Variants in UBP1 observed in about 807,000 individuals in gnomAD.
The protein encoded by UBP1 is upstream binding protein 1.
Under a neutral mutation model 76.1 loss-of-function variants are expected in UBP1, and 22 were observed. The ratio of observed to expected loss-of-function variants is 0.29; its 90% CI spans 0.21 to 0.41. The LOEUF is 0.41. UBP1 is among the 10% of genes least tolerant of loss of function. UBP1 has a pLI of 1.00. For missense variants in UBP1, 436 were observed against 668.1 expected, an observed-to-expected ratio of 0.65 and a Z score of 3.83; for synonymous variants, 224 against 237.1, an observed-to-expected ratio of 0.94 and a Z score of 0.51.
chr3:33,421,636 A>G (rs1339656722), intron 2 of UBP1, among the ~76,000 whole-genome samples: 3 of 152,250 alleles, frequency 2.0e-5, no homozygotes, highest in African/African-American at 7.2e-5. Flanking sequence ...AAATGACACT[A>G]AGACATCAAT....
chr3:33,400,806 C>T (rs544609416), intron 10 of UBP1, among the ~76,000 whole-genome samples, 156 bp downstream of exon 10: 1 of 152,310 alleles, frequency 6.6e-6, no homozygotes, highest in South Asian at 2.1e-4. Flanking sequence ...GTACTCTACT[C>T]AGGTGATGGA....
chr3:33,422,409 G>C (rs2044919058), intron 2 of UBP1, among the ~76,000 whole-genome samples: 1 of 151,926 alleles, frequency 6.6e-6, no homozygotes, highest in Non-Finnish European at 1.5e-5. Context: ...AGAAAAGAAG[G>C]GAGGAGGGAG....
rs1420518330 is a variant in UBP1 at position 33,440,363 on chromosome 3, C to G, written c.-515G>C. On this transcript the variant is annotated 5_prime_UTR_variant, in exon 1 of 16. Transcript: ENST00000283629. ...CCGACGCCGCTCTGCCGGCCGGACG[C>G]TGGCTTCAACGCGACTCCGACTTAG... The G allele has an allele frequency of 6.5e-6, 1 of 153,006 alleles. No homozygotes were observed. The highest frequency in any genetic ancestry group is 1.5e-5 in the Non-Finnish European group (1 of 68,632). The allele number at this position is 153,006 out of a possible 1,614,324, so 9.5% of individuals were successfully genotyped here.
intron 9 of UBP1, among the ~76,000 whole-genome samples, chr3:33,402,284 A>G (rs2044258387): frequency 6.6e-6 from 1 of 152,210 alleles, no homozygotes; most frequent in African/African-American, 2.4e-5. Flanking sequence ...TCAAGGCTGG[A>G]TAACAGAATA....
intron 4 of UBP1, 84 bp from the exon 5 acceptor site, chr3:33,411,771 A>C: frequency 9.2e-7 from 1 of 1,091,740 alleles, no homozygotes. Flanking sequence ...TGTTCTAATG[A>C]AATAACTGTA....
intron 3 of UBP1, among the ~76,000 whole-genome samples, chr3:33,415,567 T>C (rs919887455): frequency 3.9e-5 from 6 of 152,182 alleles, no homozygotes; most frequent in Non-Finnish European, 1.5e-5. Context: ...TGTGGATTCA[T>C]TGTACCATTC....
chr3:33,440,836 C>T (rs1003217386), upstream of UBP1: 2 of 152,260 alleles, frequency 1.3e-5, no homozygotes, highest in African/African-American at 4.8e-5. Flanking sequence ...AACGCCACTT[C>T]CGGAGGTGAT....
chr3:33,417,777 T>C (rs540564489), intron 2 of UBP1, among the ~76,000 whole-genome samples: 1 of 152,314 alleles, frequency 6.6e-6, no homozygotes, highest in African/African-American at 2.4e-5. Context: ...ATGCTTATAA[T>C]ATCACATGAA....
chr3:33,431,828 G>A (rs2045119358), intron 1 of UBP1, among the ~76,000 whole-genome samples: 1 of 152,018 alleles, frequency 6.6e-6, no homozygotes, highest in East Asian at 1.9e-4. Flanking sequence ...TGGCAAGGAT[G>A]AGTTGTGAGG....
At chr3:33,397,182 A>G (rs1317838660) in intron 11 of UBP1, 47 bp from the exon 12 acceptor site, 1 of 1,443,388 alleles carries the variant, frequency 6.9e-7, no homozygotes, top group Non-Finnish European at 9.4e-7. Flanking sequence ...GAAAAAGAAC[A>G]GAACTGCTTT....
intron 13 of UBP1, among the ~76,000 whole-genome samples, chr3:33,395,043 T>C (rs2043921274): frequency 6.6e-6 from 1 of 152,170 alleles, no homozygotes; most frequent in African/African-American, 2.4e-5. Flanking sequence ...CAAACACTCA[T>C]GTTTGAGAAT....
upstream of UBP1, chr3:33,440,595 C>G (rs1247088049): frequency 6.6e-6 from 1 of 152,598 alleles, no homozygotes; most frequent in Non-Finnish European, 1.5e-5. Flanking sequence ...CACAGCAGCC[C>G]AGGAAGAGGC....
At chr3:33,405,721 C>T (rs1163191376) in intron 8 of UBP1, among the ~76,000 whole-genome samples, 1 of 152,114 alleles carries the variant, frequency 6.6e-6, no homozygotes, top group African/African-American at 2.4e-5. Context: ...GATCACACTA[C>T]TGCACTCCAG....
intron 1 of UBP1, among the ~76,000 whole-genome samples, chr3:33,434,289 CTTTTTT>C (rs371209882): frequency 1.3e-4 from 13 of 101,260 alleles, no homozygotes; most frequent in Non-Finnish European, 2.1e-4. Flanking sequence ...TCAGCAAATC[CTTTTTT>C]TTTTTTTTTT....
intron 1 of UBP1, among the ~76,000 whole-genome samples, chr3:33,434,289 C>CTTTTTTTT (rs371209882): frequency 9.9e-6 from 1 of 101,278 alleles, no homozygotes; most frequent in Admixed American, 1.2e-4. Context: ...TCAGCAAATC[C>CTTTTTTTT]TTTTTTTTTT....
chr3:33,405,928 T>G (rs2044407463), intron 8 of UBP1, among the ~76,000 whole-genome samples: 2 of 152,056 alleles, frequency 1.3e-5, no homozygotes, highest in African/African-American at 4.8e-5. Context: ...ACATGGAAAA[T>G]AATCTCAACT....
intron 1 of UBP1, among the ~76,000 whole-genome samples, chr3:33,433,168 C>T (rs2045142463): frequency 6.6e-6 from 1 of 151,242 alleles, no homozygotes; most frequent in Non-Finnish European, 1.5e-5. Context: ...TCAAACGATT[C>T]TCCTGCCTCA....
chr3:33,424,322 A>G (rs1243405774), intron 2 of UBP1, among the ~76,000 whole-genome samples: 2 of 152,242 alleles, frequency 1.3e-5, no homozygotes, highest in African/African-American at 2.4e-5. Flanking sequence ...CTAAACTTAT[A>G]TATCAAATGA....
At chr3:33,404,882 T>C (rs1350898962) in intron 8 of UBP1, among the ~76,000 whole-genome samples, 1 of 152,202 alleles carries the variant, frequency 6.6e-6, no homozygotes, top group Non-Finnish European at 1.5e-5. Context: ...AAATTGCTCA[T>C]ATGTATAAAA....
Sources: allele counts gnomAD v4.1 joint callset (sites outside exome capture counted in the v4.1 genomes callset), GRCh38; gene constraint gnomAD v4.1.1; transcripts MANE v1.5; gene names NCBI Gene and HGNC (gene_info 2026-07-23, HGNC 2026-07-21).